Variants in TECPR2 observed in about 807,000 individuals in gnomAD.
TECPR2 encodes tectonin beta-propeller repeat-containing protein 2.
A neutral mutation model predicts 138.1 loss-of-function variants in TECPR2; 65 were observed. The observed-to-expected ratio is 0.47, with a 90% CI of 0.39 to 0.58. The LOEUF is 0.58. TECPR2 is among the 20% of genes least tolerant of loss of function. The pLI is 0.00. For synonymous variants in TECPR2, 746 were observed against 749.8 expected (o/e 0.99, Z 0.08); for missense variants, 1,553 against 1,824.5 (o/e 0.85, Z 2.71).
At chr14:102,406,082 T>A (rs1338804984) in intron 2 of TECPR2, among the ~76,000 whole-genome samples, 1 of 151,004 alleles carries the variant, frequency 6.6e-6, no homozygotes, top group Non-Finnish European at 1.5e-5. Context: ...GGGGGAGGGA[T>A]GAATGGGGAA....
intron 11 of TECPR2, among the ~76,000 whole-genome samples, chr14:102,442,410 A>G (rs1889859753): frequency 6.6e-6 from 1 of 152,234 alleles, no homozygotes; most frequent in Non-Finnish European, 1.5e-5. Flanking sequence ...TTCATAGGCC[A>G]TATGCTGGCC....
At chr14:102,413,118 C>A (rs1888926667) in intron 4 of TECPR2, among the ~76,000 whole-genome samples, 1 of 151,912 alleles carries the variant, frequency 6.6e-6, no homozygotes, top group Non-Finnish European at 1.5e-5. Flanking sequence ...GCAACATTTT[C>A]ATGTAATGGA....
chr14:102,474,216 C>T (rs1335410484), intron 17 of TECPR2, among the ~76,000 whole-genome samples: 5 of 151,952 alleles, frequency 3.3e-5, no homozygotes, highest in Non-Finnish European at 4.4e-5. Context: ...TGCAGTGAGC[C>T]ATGTTTGTAC....
chr14:102,428,310 G>T lies in TECPR2; in HGVS notation c.1012G>T (p.Glu338Ter). The T allele has an allele frequency of 6.6e-7, 1 of 1,507,514 alleles. No homozygotes were observed. The allele number at this position is 1,507,514 out of a possible 1,614,324, so 93.4% of individuals were successfully genotyped here. A position where few individuals can be genotyped will look rare whatever the true frequency, so the allele number is the denominator to read the frequency against. ...TGTGTCTGTTTCGTGCACAGAAAATGAAATATTTTTCTTGAAAGGAGATAG... is the reference window on the plus strand; with the variant it reads ...TGTGTCTGTTTCGTGCACAGAAAATTAAATATTTTTCTTGAAAGGAGATAG... ...DIVSVSCTEN[E>*]IFFLKGDRNI... Residue 338 changes from glutamate to a stop codon, truncating the protein, a stop_gained, in exon 7 of 20, where the codon GAA (glutamate) becomes TAA (stop). Transcript: ENST00000359520. LOFTEE classifies it high-confidence loss of function.
At chr14:102,445,645 C>T (rs1321044423) in intron 12 of TECPR2, among the ~76,000 whole-genome samples, 161 bp from the exon 13 acceptor site, 5 of 152,102 alleles carry the variant, frequency 3.3e-5, no homozygotes. Context: ...AGTAATTTAA[C>T]TCAGACCCAA....
intron 8 of TECPR2, 31 bp from the exon 9 acceptor site, chr14:102,434,204 C>G: frequency 7.4e-7 from 1 of 1,343,486 alleles, no homozygotes; most frequent in East Asian, 2.7e-5. Flanking sequence ...TAGAACCGTG[C>G]CTTATTTTGA....
intron 17 of TECPR2, among the ~76,000 whole-genome samples, chr14:102,491,642 C>G (rs755131132): frequency 5.3e-5 from 8 of 152,234 alleles, no homozygotes; most frequent in Non-Finnish European, 8.8e-5. Context: ...GCTGCAGCCT[C>G]CCAGCCTCCT....
At chr14:102,401,486 TAA>T (rs1236062931) in intron 2 of TECPR2, among the ~76,000 whole-genome samples, 2 of 143,506 alleles carry the variant, frequency 1.4e-5, no homozygotes, top group East Asian at 2.1e-4. Flanking sequence ...ATGCTATATA[TAA>T]GAGACTCACG....
At chr14:102,463,403 C>T (rs1890461078) in intron 16 of TECPR2, among the ~76,000 whole-genome samples, 1 of 119,270 alleles carries the variant, frequency 8.4e-6, no homozygotes, top group Admixed American at 1.2e-4. Flanking sequence ...GGCGACAGAG[C>T]GAGACTCCGT....
At chr14:102,378,842 C>T (rs1887710041) in intron 2 of TECPR2, among the ~76,000 whole-genome samples, 1 of 152,140 alleles carries the variant, frequency 6.6e-6, no homozygotes, top group East Asian at 1.9e-4. Flanking sequence ...CCAGGCTGGT[C>T]TTGAACTCCT....
At chr14:102,411,902 A>G (rs1235490853) in intron 4 of TECPR2, among the ~76,000 whole-genome samples, 1 of 151,980 alleles carries the variant, frequency 6.6e-6, no homozygotes, top group African/African-American at 2.4e-5. Flanking sequence ...TGACTACCTC[A>G]TAAAGCAAAT....
intron 18 of TECPR2, 35 bp from the exon 19 acceptor site, chr14:102,497,535 G>C (rs1891317779): frequency 2.7e-6 from 4 of 1,501,460 alleles, no homozygotes; most frequent in Non-Finnish European, 3.6e-6. Context: ...TCCCGTCCAT[G>C]GCAGGGGCTC....
chr14:102,490,365 A>T (rs1381582777), intron 17 of TECPR2, among the ~76,000 whole-genome samples: 2 of 152,222 alleles, frequency 1.3e-5, no homozygotes, highest in Non-Finnish European at 2.9e-5. Flanking sequence ...CCTCACAGGC[A>T]TCATGTCATG....
chr14:102,410,313 A>G lies in TECPR2; in HGVS notation c.480+1694A>G, dbSNP rs150942741. 6.6e-3 allele frequency among the ~76,000 whole-genome samples: 932 copies of G among 140,498 alleles called. 30 individuals are homozygous for G. Among genetic ancestry groups the G allele is most frequent in the African/African-American group, 0.024 (883 of 37,536 alleles). 92.2% of individuals were successfully genotyped at this position (140,498 alleles called of 152,430 possible). ...TCCCTAATCTCAAGTAATCAGGGAC[A>G]CAAACACTGCGGAAGGCCGCAGGGT... On this transcript the variant is annotated intron_variant, in intron 4 of 19. Transcript: ENST00000359520.
chr14:102,419,133 G>A lies in TECPR2; in HGVS notation c.638+4340G>A, dbSNP rs1426197055. 6.6e-6 allele frequency among the ~76,000 whole-genome samples: 1 copy of A among 152,090 alleles called. No individual in the cohort carries two copies. Among genetic ancestry groups the A allele is most frequent in the Non-Finnish European group, 1.5e-5 (1 of 68,026 alleles). Reference sequence around the variant, plus strand: ...CAGGCTTGTGTTCTGAAGAGGAAAGGGCATCAGGAGAGAACAGGAGTTGGG... The same window carrying A: ...CAGGCTTGTGTTCTGAAGAGGAAAGAGCATCAGGAGAGAACAGGAGTTGGG... On this transcript the variant is annotated intron_variant, in intron 5 of 19. Transcript: ENST00000359520. This position sits in a 1 kb window ranked among gnomAD's most constrained non-coding sequence, Gnocchi z 4.8.
intron 15 of TECPR2, among the ~76,000 whole-genome samples, chr14:102,451,872 C>T (rs963407553): frequency 1.3e-5 from 2 of 152,094 alleles, no homozygotes; most frequent in Non-Finnish European, 2.9e-5. Context: ...AAGAGAAGCA[C>T]TTCCAGCTTC....
At chr14:102,399,070 C>T (rs1888396886) in intron 2 of TECPR2, among the ~76,000 whole-genome samples, 1 of 152,134 alleles carries the variant, frequency 6.6e-6, no homozygotes, top group Non-Finnish European at 1.5e-5. Context: ...TGAGACCAGC[C>T]TGGCCAACAT....
At chr14:102,397,903 C>T (rs73347490) in intron 2 of TECPR2, among the ~76,000 whole-genome samples, 13,157 of 151,262 alleles carry the variant, frequency 0.087, 751 homozygotes, top group African/African-American at 0.17. Flanking sequence ...CCCGGGTCAT[C>T]GCTAGTAAAT....
intron 2 of TECPR2, among the ~76,000 whole-genome samples, chr14:102,399,589 G>C (rs1888414790): frequency 6.6e-6 from 1 of 152,150 alleles, no homozygotes; most frequent in Non-Finnish European, 1.5e-5. Context: ...CCATCACTTT[G>C]GGAGGCCGAG....
Sources: allele counts gnomAD v4.1 joint callset (sites outside exome capture counted in the v4.1 genomes callset), GRCh38; gene constraint gnomAD v4.1.1; non-coding constraint Gnocchi (gnomAD v3.1); transcripts MANE v1.5; gene names NCBI Gene and HGNC (gene_info 2026-07-23, HGNC 2026-07-21).